Variants in CUX2 observed in about 807,000 individuals in gnomAD.
CUX2 encodes homeobox protein cut-like 2.
CUX2 carries 40 observed loss-of-function variants against 144.8 expected under a neutral mutation model. That is an observed-to-expected ratio of 0.28 (90% CI 0.21 to 0.36). The LOEUF is 0.36. Among genes scored for constraint, CUX2 ranks in the 10% least tolerant of loss-of-function variants. CUX2 has a pLI of 1.00. For synonymous variants in CUX2, 827 were observed against 875.6 expected, an observed-to-expected ratio of 0.94 and a Z score of 0.98; for missense variants, 1,615 against 1,994.0, an observed-to-expected ratio of 0.81 and a Z score of 3.62.
chr12:111,204,255 C>A (rs1452345248), intron 1 of CUX2, among the ~76,000 whole-genome samples: 1 of 152,228 alleles, frequency 6.6e-6, no homozygotes, highest in Non-Finnish European at 1.5e-5. Context: ...AACTAAAAAA[C>A]CAACCACTGC....
intron 1 of CUX2, among the ~76,000 whole-genome samples, chr12:111,101,912 A>C (rs891871343): frequency 6.6e-6 from 1 of 152,244 alleles, no homozygotes; most frequent in Non-Finnish European, 1.5e-5. Flanking sequence ...TACCGACTAC[A>C]TGGGGATGTT....
At chr12:111,309,977 C>G (rs1459515403) in intron 14 of CUX2, 64 bp from the exon 15 acceptor site, 1 of 1,248,800 alleles carries the variant, frequency 8.0e-7, no homozygotes, top group Non-Finnish European at 1.0e-6. Flanking sequence ...TTCTCCCTGT[C>G]TCTCTCTCCC....
chr12:111,193,810 A>G (rs183753756), intron 1 of CUX2, among the ~76,000 whole-genome samples: 1 of 152,334 alleles, frequency 6.6e-6, no homozygotes, highest in African/African-American at 2.4e-5. Context: ...TGCGATGGGC[A>G]AAGGGCATGC....
chr12:111,328,724 G>A (rs1049812288), intron 18 of CUX2, among the ~76,000 whole-genome samples: 2 of 151,556 alleles, frequency 1.3e-5, no homozygotes, highest in African/African-American at 2.4e-5. Context: ...CTCAGTCTCC[G>A]AAGTAGCTGG....
intron 1 of CUX2, among the ~76,000 whole-genome samples, chr12:111,208,446 C>T (rs546246600): frequency 6.6e-6 from 1 of 152,296 alleles, no homozygotes; most frequent in South Asian, 2.1e-4. Context: ...CCCAGTCCCT[C>T]CTGGTTGGGG....
At chr12:111,276,995 C>T (rs1222785541) in intron 4 of CUX2, among the ~76,000 whole-genome samples, 1 of 152,160 alleles carries the variant, frequency 6.6e-6, no homozygotes, top group Non-Finnish European at 1.5e-5. Flanking sequence ...AAAGTGCTGG[C>T]ACTTGTTGGA....
chr12:111,296,232 C>T (rs1235828602), intron 7 of CUX2, among the ~76,000 whole-genome samples: 2 of 152,100 alleles, frequency 1.3e-5, no homozygotes, highest in African/African-American at 2.4e-5. Flanking sequence ...ATGGAGAGAC[C>T]TCATCTGCCC....
At chr12:111,258,256 T>G (rs920094159) in intron 3 of CUX2, among the ~76,000 whole-genome samples, 1 of 152,172 alleles carries the variant, frequency 6.6e-6, no homozygotes, top group African/African-American at 2.4e-5. Context: ...CTCACGCGTG[T>G]AATCCCAGCA....
intron 1 of CUX2, among the ~76,000 whole-genome samples, chr12:111,170,887 T>C (rs572748028): frequency 7.7e-4 from 117 of 152,060 alleles, no homozygotes; most frequent in Middle Eastern, 3.4e-3. Context: ...GGAATAAGCA[T>C]GTGGAAGCCA....
chr12:111,195,745 G>A (rs1311218011), intron 1 of CUX2, among the ~76,000 whole-genome samples: 1 of 152,166 alleles, frequency 6.6e-6, no homozygotes, highest in African/African-American at 2.4e-5. Context: ...TAATCTTGAT[G>A]GACCAATGCA....
Position 111,147,735 on chromosome 12 carries a change from G to A in CUX2, c.64-66465G>A, listed in dbSNP as rs1203450592. ...AAGGTCACCTGGCAGAGGAGGGAGA[G>A]GGCGAGGGAGGTGGCCTGGAGCAGA... is the stretch of plus-strand genomic sequence containing the variant. On this transcript the variant is annotated intron_variant, in intron 1 of 21. Coordinates refer to ENST00000261726, the MANE Select transcript of CUX2 (RefSeq NM_015267.4). 3.9e-5 allele frequency among the ~76,000 whole-genome samples: 6 copies of A among 152,322 alleles called. No homozygotes were observed. In the East Asian group the frequency reaches 1.2e-3, roughly 29 times the overall value.
At position 111,294,308 on chromosome 12, in the gene CUX2, A is replaced by C. The variant is rs577652395; in HGVS notation, c.560+739A>C. Among the ~76,000 whole-genome samples, 6 of 152,248 alleles carry C rather than the reference A, an allele frequency of 3.9e-5. No individual in the cohort carries two copies. In the South Asian group the frequency reaches 1.2e-3, roughly 32 times the overall value. ...TTTTTAGCAGAGACAGGATTTCACC[A>C]TGTTGGCCAGGATAGTCTCAAAATC... On this transcript the variant is annotated intron_variant, in intron 6 of 21. Transcript: ENST00000261726.
intron 4 of CUX2, among the ~76,000 whole-genome samples, chr12:111,272,483 G>C (rs1032967383): frequency 6.6e-6 from 1 of 152,106 alleles, no homozygotes; most frequent in African/African-American, 2.4e-5. Flanking sequence ...ATTATTTTCT[G>C]AGATGTAGTC....
intron 1 of CUX2, among the ~76,000 whole-genome samples, chr12:111,191,657 C>T (rs1011162701): frequency 6.6e-6 from 1 of 152,146 alleles, no homozygotes; most frequent in South Asian, 2.1e-4. Context: ...CTGGTCTGCC[C>T]GTGCCCAGGT....
chr12:111,146,144 C>G (rs1007180324), intron 1 of CUX2, among the ~76,000 whole-genome samples: 32 of 152,242 alleles, frequency 2.1e-4, no homozygotes, highest in African/African-American at 7.7e-4. Flanking sequence ...CACGCCCACC[C>G]AAGTGGGACA....
At position 111,034,553 on chromosome 12, in the gene CUX2, CGGGCAGG is replaced by C. The variant is rs1869320276; in HGVS notation, c.63+318_63+324del. ...GCGGGGAAGGCAGGGGCTACGGCCT[CGGGCAGG>C]GGGCTGCTGGCGGGAACCCCCGGCG... On this transcript the variant is annotated intron_variant, in intron 1 of 21. Transcript: ENST00000261726. The surrounding 1 kb of genome is among the most constrained non-coding windows in gnomAD (Gnocchi z 4.2). Among the ~76,000 whole-genome samples, 1 of 151,474 alleles carries C rather than the reference CGGGCAGG, an allele frequency of 6.6e-6. No individual in the cohort carries two copies. Among genetic ancestry groups the C allele is most frequent in the African/African-American group, 2.4e-5 (1 of 41,376 alleles).
chr12:111,153,044 A>T (rs926230887), intron 1 of CUX2, among the ~76,000 whole-genome samples: 5 of 152,148 alleles, frequency 3.3e-5, no homozygotes, highest in African/African-American at 4.8e-5. Context: ...AGCTGGAGCA[A>T]ACCTTTCTTT....
At position 111,186,091 on chromosome 12, in the gene CUX2, G is replaced by A. The variant is rs1566281114; in HGVS notation, c.64-28109G>A. Among the ~76,000 whole-genome samples the A allele has an allele frequency of 2.7e-5, 4 of 147,888 alleles. No individual in the cohort carries two copies. Among genetic ancestry groups the A allele is most frequent in the Admixed American group, 2.0e-4 (3 of 14,666 alleles). The stretch of plus-strand genomic sequence containing the variant: ...TCCTCCTGCCCTCTGTTCTGCCCTC[G>A]CCCCCTTTCTGTCTCCGTCTCACTA... On this transcript the variant is annotated intron_variant, in intron 1 of 21. Coordinates refer to ENST00000261726, the MANE Select transcript of CUX2 (RefSeq NM_015267.4). The surrounding 1 kb of genome is among the most constrained non-coding windows in gnomAD (Gnocchi z 4.4).
At chr12:111,063,344 C>A (rs542313520) in intron 1 of CUX2, among the ~76,000 whole-genome samples, 1 of 152,328 alleles carries the variant, frequency 6.6e-6, no homozygotes, top group African/African-American at 2.4e-5. Context: ...CCCCCTCCCC[C>A]CACCACCCTG....
Sources: gnomAD v4.1 joint callset for allele counts (sites outside exome capture counted in the v4.1 genomes callset) on GRCh38, gnomAD v4.1.1 for gene constraint, Gnocchi (gnomAD v3.1) non-coding constraint, MANE v1.5 for transcripts, NCBI Gene and HGNC (gene_info 2026-07-23, HGNC 2026-07-21) for gene names.